The following PLAAT2 variants were observed in gnomAD, a reference collection of about 807,000 sequenced individuals.
The protein encoded by PLAAT2 is phospholipase A and acyltransferase 2, also known as HRAS like suppressor 2.
A neutral mutation model predicts 12.8 loss-of-function variants in PLAAT2; 12 were observed. The observed-to-expected ratio is 0.94, with a 90% CI of 0.60 to 1.52. PLAAT2 has a LOEUF of 1.52. PLAAT2 is among the 40% of genes most tolerant of loss of function. The probability of loss-of-function intolerance (pLI) is 0.00; values close to 1 mark genes in which losing one functional copy is unlikely to be tolerated. For synonymous variants in PLAAT2, 79 were observed against 86.8 expected (o/e 0.91, Z 0.50); for missense variants, 166 against 208.1 (o/e 0.80, Z 1.24).
intron 1 of PLAAT2, among the ~76,000 whole-genome samples, chr11:63,561,476 C>G (rs2017517592): frequency 6.6e-6 from 1 of 151,862 alleles, no homozygotes; most frequent in Non-Finnish European, 1.5e-5. Flanking sequence ...AAACCCCCAT[C>G]TCTACTAAAA....
chr11:63,559,439 G>A (rs1445528632), intron 2 of PLAAT2, among the ~76,000 whole-genome samples: 2 of 152,062 alleles, frequency 1.3e-5, no homozygotes, highest in Non-Finnish European at 2.9e-5. Flanking sequence ...CAGGAATCCA[G>A]GGTCCCCAGG....
intron 3 of PLAAT2, among the ~76,000 whole-genome samples, chr11:63,557,164 C>T (rs2017473492): frequency 6.6e-6 from 1 of 152,144 alleles, no homozygotes; most frequent in Non-Finnish European, 1.5e-5. Flanking sequence ...CTTTCCTTTA[C>T]AAATTTTTTA....
rs769052975 is a variant in PLAAT2, at chr11:63,563,300, G to A, written c.9+16C>T. The A allele has an allele frequency of 4.5e-5, 73 of 1,613,868 alleles. No homozygotes were observed. The highest frequency in any genetic ancestry group is 5.3e-5 in the Non-Finnish European group (63 of 1,179,930). On this transcript the variant is annotated intron_variant, in intron 1 of 3. Transcript: ENST00000255695. ...TTCCTCAAATCAAAGCTTTAAAACC[G>A]TTTCTGGGGACTTACCAAAGCCATC...
At chr11:63,561,700 C>A (rs980965330) in intron 1 of PLAAT2, among the ~76,000 whole-genome samples, 3 of 143,374 alleles carry the variant, frequency 2.1e-5, no homozygotes, top group Middle Eastern at 3.5e-3. Context: ...GAGTACACTG[C>A]TGAGATGATA....
At chr11:63,553,582 G>A (rs545009787) in intron 3 of PLAAT2, among the ~76,000 whole-genome samples, 11 of 152,220 alleles carry the variant, frequency 7.2e-5, no homozygotes, top group East Asian at 5.8e-4. Context: ...CCCAGGAGGC[G>A]GAGGTTGCAG....
At chr11:63,560,007 G>A (rs971376342) in intron 2 of PLAAT2, 78 bp downstream of exon 2, 3 of 979,638 alleles carry the variant, frequency 3.1e-6, no homozygotes, top group African/African-American at 1.6e-5. Context: ...ACCCTGAAGT[G>A]AGGACAAGCA....
chr11:63,552,872 A>G lies in PLAAT2; in HGVS notation c.*92T>C. The G allele has an allele frequency of 1.2e-6, 1 of 814,354 alleles. No individual in the cohort carries two copies. The highest frequency in any genetic ancestry group is 2.1e-6 in the Non-Finnish European group (1 of 478,104). 50.4% of individuals were successfully genotyped at this position (814,354 alleles called of 1,614,324 possible). ...ATTAAAATAAAGATTCATGAACACAAAACAGTAAAATCAGTAAACCAAACT... is the reference window on the plus strand; with the variant it reads ...ATTAAAATAAAGATTCATGAACACAGAACAGTAAAATCAGTAAACCAAACT... On this transcript the variant is annotated 3_prime_UTR_variant, in exon 4 of 4. Coordinates refer to ENST00000255695, the MANE Select transcript of PLAAT2 (RefSeq NM_017878.2).
intron 3 of PLAAT2, among the ~76,000 whole-genome samples, chr11:63,553,849 G>T (rs1162743394): frequency 6.6e-6 from 1 of 152,112 alleles, no homozygotes; most frequent in East Asian, 1.9e-4. Flanking sequence ...CAATGTCCCA[G>T]GTGCTGATCC....
At chr11:63,563,481 G>A, upstream of PLAAT2, 4 of 756,778 alleles carry the variant, frequency 5.3e-6, no homozygotes, top group Admixed American at 9.1e-5. Context: ...CACTTTGAGA[G>A]GCTGAGGCGG....
At chr11:63,560,357 C>T (rs2017508013) in intron 1 of PLAAT2, among the ~76,000 whole-genome samples, 164 bp from the exon 2 acceptor site, 1 of 152,212 alleles carries the variant, frequency 6.6e-6, no homozygotes, top group Admixed American at 6.5e-5. Flanking sequence ...GAAGCACCTT[C>T]ATTTACTGGG....
At chr11:63,562,211 G>A (rs1413251542) in intron 1 of PLAAT2, among the ~76,000 whole-genome samples, 1 of 152,144 alleles carries the variant, frequency 6.6e-6, no homozygotes, top group Non-Finnish European at 1.5e-5. Flanking sequence ...TGGTCAAAGG[G>A]GACATTAGTT....
intron 1 of PLAAT2, among the ~76,000 whole-genome samples, chr11:63,560,728 C>T (rs2017511584): frequency 6.6e-6 from 1 of 152,204 alleles, no homozygotes; most frequent in Non-Finnish European, 1.5e-5. Flanking sequence ...ACAATGAGCA[C>T]ATGGAGTCTC....
intron 1 of PLAAT2, 152 bp from the exon 2 acceptor site, chr11:63,560,345 A>G: frequency 1.7e-6 from 1 of 602,044 alleles, no homozygotes; most frequent in Non-Finnish European, 3.0e-6. Flanking sequence ...TCACATATGT[A>G]GGAAGCACCT....
Position 63,558,382 on chromosome 11 carries a change from G to A in PLAAT2, c.387+10C>T, listed in dbSNP as rs771546037. On this transcript the variant is annotated intron_variant, in intron 3 of 3. Transcript: ENST00000255695. ...GGCTCCTGGGAAGGGGATGCAGGCT[G>A]AAGATGCACCTGGTCACTGCGGGAG... is the stretch of plus-strand genomic sequence containing the variant. 1.2e-6 allele frequency: 2 copies of A among 1,611,712 alleles called. No homozygotes were observed. The highest frequency in any genetic ancestry group is 1.1e-5 in the South Asian group (1 of 91,024).
At chr11:63,563,143 C>A (rs1449074110) in intron 1 of PLAAT2, among the ~76,000 whole-genome samples, 173 bp downstream of exon 1, 3 of 152,188 alleles carry the variant, frequency 2.0e-5, no homozygotes, top group African/African-American at 4.8e-5. Flanking sequence ...GGGTCATAAC[C>A]CAGCACCGTG....
rs1164637610 is a variant in PLAAT2, at chr11:63,558,570, C to T, written c.209G>A (p.Gly70Glu). ...GTTATTGACCCTGTAGTTGTCTCCCCCAGCCACCACAGACAGCAGTTCCTT... is the reference window on the plus strand; with the variant it reads ...GTTATTGACCCTGTAGTTGTCTCCCTCAGCCACCACAGACAGCAGTTCCTT... ...VKKELLSVVA[G>E]GDNYRVNNKH... Residue 70 changes from glycine (G) to glutamate (E), a missense_variant, in exon 3 of 4, where the codon GGG becomes GAG. Gly to Glu is a moderately conservative substitution (Grantham distance 98). Coordinates refer to ENST00000255695, the MANE Select transcript of PLAAT2 (RefSeq NM_017878.2). 2 of 1,614,108 alleles carry T rather than the reference C, an allele frequency of 1.2e-6. No homozygotes were observed. The highest frequency in any genetic ancestry group is 1.7e-6 in the Non-Finnish European group (2 of 1,180,058).
intron 3 of PLAAT2, among the ~76,000 whole-genome samples, chr11:63,554,651 A>AG (rs2017450498): frequency 6.7e-6 from 1 of 149,134 alleles, no homozygotes; most frequent in Non-Finnish European, 1.5e-5. Flanking sequence ...AAAAAAAAAA[A>AG]GAACTCACGC....
intron 3 of PLAAT2, among the ~76,000 whole-genome samples, chr11:63,556,587 GCCC>G (rs2017468828): frequency 1.3e-5 from 2 of 152,112 alleles, no homozygotes; most frequent in African/African-American, 4.8e-5. Context: ...GTCCCACCGT[GCCC>G]CAGTGCCCAG....
In PLAAT2 at chr11:63,558,453, G is replaced by T. The variant is rs200152066; in HGVS notation, c.326C>A (p.Thr109Asn). The T allele has an allele frequency of 3.7e-6, 6 of 1,614,192 alleles. No homozygotes were observed. The African/African-American group carries it at 8.0e-5, about 22-fold the overall frequency. Residue 109 changes from threonine (T) to asparagine (N), a missense_variant, in exon 3 of 4, where the codon ACC becomes AAC. Physicochemically the swap from Thr to Asn is moderately conservative, Grantham distance 65. Coordinates refer to ENST00000255695, the MANE Select transcript of PLAAT2 (RefSeq NM_017878.2). ...CACGAAGTGCTCGCAGTTGTCACTG[G>T]TCAGCGAATAAGGCAACTCCTGCCC... is the stretch of plus-strand genomic sequence containing the variant. ...LVGQELPYSLTSDNCEHFVNH... is the reference protein window; with the variant it reads ...LVGQELPYSLNSDNCEHFVNH...
Sources: allele counts gnomAD v4.1 joint callset (sites outside exome capture counted in the v4.1 genomes callset), GRCh38; gene constraint gnomAD v4.1.1; transcripts MANE v1.5; gene names NCBI Gene and HGNC (gene_info 2026-07-23, HGNC 2026-07-21).